The following TRABD variants were observed in gnomAD, a reference collection of about 807,000 sequenced individuals.
TRABD encodes traB domain-containing protein.
In TRABD, 23 loss-of-function variants were observed where a neutral mutation model predicts 39.6. That is an observed-to-expected ratio of 0.58 (90% CI 0.42 to 0.82). The LOEUF is 0.82. Among genes scored for constraint, TRABD ranks in the 40% least tolerant of loss-of-function variants. The probability of loss-of-function intolerance (pLI) is 0.00; values close to 1 mark genes in which losing one functional copy is unlikely to be tolerated. For synonymous variants in TRABD, 243 were observed against 232.1 expected (o/e 1.05, Z -0.43); for missense variants, 487 against 544.9 (o/e 0.89, Z 1.06).
chr22:50,190,389 C>T (rs983746954), intron 1 of TRABD, among the ~76,000 whole-genome samples: 5 of 152,194 alleles, frequency 3.3e-5, no homozygotes, highest in Non-Finnish European at 4.4e-5. Flanking sequence ...GCTGCTGCAC[C>T]GAGACCCTGC....
chr22:50,197,680 C>T, intron 7 of TRABD, 92 bp downstream of exon 7: 3 of 1,574,892 alleles, frequency 1.9e-6, no homozygotes, highest in African/African-American at 1.3e-5. Flanking sequence ...AGCCAATCCT[C>T]ACTCAAGGCC....
chr22:50,194,251 A>G, intron 3 of TRABD, 89 bp from the exon 4 acceptor site: 2 of 1,492,128 alleles, frequency 1.3e-6, no homozygotes, highest in Non-Finnish European at 1.8e-6. Context: ...CTCAGAACCC[A>G]GGAGGGTTCT....
rs1438852834 is a variant in TRABD, at chr22:50,198,616, AC to A, written c.*103del. The A allele has an allele frequency of 6.2e-6, 8 of 1,289,238 alleles. No individual in the cohort carries two copies. The highest frequency in any genetic ancestry group is 7.1e-6 in the Non-Finnish European group (7 of 980,120). 79.9% of individuals were successfully genotyped at this position (1,289,238 alleles called of 1,614,324 possible). A position where few individuals can be genotyped will look rare whatever the true frequency, so the allele number is the denominator to read the frequency against. Reference sequence around the variant, plus strand: ...TCCTAGCCCGCCCGAGGCCCCTGCCACCCCCCATGGGGGTCTGGGCCCGGCC... The same window carrying A: ...TCCTAGCCCGCCCGAGGCCCCTGCCACCCCCATGGGGGTCTGGGCCCGGCC... On this transcript the variant is annotated 3_prime_UTR_variant, in exon 10 of 10. Transcript: ENST00000380909. This position sits in a 1 kb window ranked among gnomAD's most constrained non-coding sequence, Gnocchi z 7.9.
At position 50,198,072 on chromosome 22, in the gene TRABD, C is replaced by A. The variant is rs1450536364; in HGVS notation, c.845-3C>A. On this transcript the variant is annotated splice_region_variant and splice_polypyrimidine_tract_variant and intron_variant, in intron 8 of 9. Coordinates refer to ENST00000380909, the MANE Select transcript of TRABD (RefSeq NM_001320485.2). The surrounding 1 kb of genome is among the most constrained non-coding windows in gnomAD (Gnocchi z 7.9). ...GGTACTGACCCCTTGTCCTTCCCCACAGCCGAGCCCAGGAAGTGCGTCCCC... is the reference window on the plus strand; with the variant it reads ...GGTACTGACCCCTTGTCCTTCCCCAAAGCCGAGCCCAGGAAGTGCGTCCCC... 6.2e-7 allele frequency: 1 copy of A among 1,612,536 alleles called. No individual in the cohort carries two copies. The highest frequency in any genetic ancestry group is 8.5e-7 in the Non-Finnish European group (1 of 1,179,612).
intron 5 of TRABD, among the ~76,000 whole-genome samples, chr22:50,196,367 C>A (rs1243074089): frequency 6.6e-6 from 1 of 152,240 alleles, no homozygotes; most frequent in African/African-American, 2.4e-5. Context: ...GCTCATGGCT[C>A]AGGCCCAGAC....
chr22:50,196,998 C>G (rs955014867), intron 5 of TRABD: 2 of 524,842 alleles, frequency 3.8e-6, no homozygotes, highest in Non-Finnish European at 6.8e-6. Context: ...GCACCCGGCC[C>G]GTGAAGGTCT....
In TRABD at chr22:50,195,061, G is replaced by A. The variant is rs73435224; in HGVS notation, c.420+21G>A. 1.3e-3 allele frequency: 2,056 copies of A among 1,545,376 alleles called. 32 individuals are homozygous for A. In the African/African-American group the frequency reaches 0.025, roughly 19 times the overall value. Reference sequence around the variant, plus strand: ...GGCAGGTGCGCAGCCGCGGGCAAGGGTCAGGGTCAGGGTCGGGGTCAAAGC... The same window carrying A: ...GGCAGGTGCGCAGCCGCGGGCAAGGATCAGGGTCAGGGTCGGGGTCAAAGC... On this transcript the variant is annotated intron_variant, in intron 5 of 9. Coordinates refer to ENST00000380909, the MANE Select transcript of TRABD (RefSeq NM_001320485.2).
Position 50,198,691 on chromosome 22 carries a change from A to C in TRABD, c.*172A>C. The stretch of plus-strand genomic sequence containing the variant: ...ACCCCTCCCCCAGCCCACCCAAATA[A>C]AGGATTATTTAACTGTCTGAGCTCA... On this transcript the variant is annotated 3_prime_UTR_variant, in exon 10 of 10. Transcript: ENST00000380909. The surrounding 1 kb of genome is among the most constrained non-coding windows in gnomAD (Gnocchi z 7.9). 4 of 618,892 alleles carry C rather than the reference A, an allele frequency of 6.5e-6. No individual in the cohort carries two copies. The highest frequency in any genetic ancestry group is 1.1e-5 in the Non-Finnish European group (4 of 376,806). 38.3% of individuals were successfully genotyped at this position (618,892 alleles called of 1,614,324 possible).
chr22:50,197,182 TC>T (rs1267058489), intron 5 of TRABD, 58 bp from the exon 6 acceptor site: 3 of 1,520,182 alleles, frequency 2.0e-6, no homozygotes, highest in African/African-American at 1.4e-5. Flanking sequence ...GTTCTGCCAT[TC>T]CCCCAGCGCA....
At chr22:50,196,495 G>A (rs994265779) in intron 5 of TRABD, among the ~76,000 whole-genome samples, 2 of 152,182 alleles carry the variant, frequency 1.3e-5, no homozygotes, top group African/African-American at 2.4e-5. Context: ...GGTGCCAGCC[G>A]GCCGGTGAGA....
In TRABD at chr22:50,198,674, C is replaced by T. The variant is rs565739450; in HGVS notation, c.*155C>T. On this transcript the variant is annotated 3_prime_UTR_variant, in exon 10 of 10. Transcript: ENST00000380909. The surrounding 1 kb of genome is among the most constrained non-coding windows in gnomAD (Gnocchi z 7.9). ...GCCCTCCTGGGCCAGTCACCCCTCC[C>T]CCAGCCCACCCAAATAAAGGATTAT... 28 of 668,856 alleles carry T rather than the reference C, an allele frequency of 4.2e-5. No homozygotes were observed. The highest frequency in any genetic ancestry group is 3.8e-4 in the African/African-American group (20 of 53,236). 41.4% of individuals were successfully genotyped at this position (668,856 alleles called of 1,614,324 possible).
Position 50,197,421 on chromosome 22 carries a change from G to T in TRABD, c.532-28G>T. ...ACAGGGGTGGTCCGGGGTTCCCACTGCTCCCCAACACCCAGCCTCTGCTCC... is the reference window on the plus strand; with the variant it reads ...ACAGGGGTGGTCCGGGGTTCCCACTTCTCCCCAACACCCAGCCTCTGCTCC... On this transcript the variant is annotated intron_variant, in intron 6 of 9. Coordinates refer to ENST00000380909, the MANE Select transcript of TRABD (RefSeq NM_001320485.2). The T allele has an allele frequency of 1.9e-6, 3 of 1,612,812 alleles. No individual in the cohort carries two copies. In the South Asian group the frequency reaches 3.3e-5, roughly 18 times the overall value.
intron 7 of TRABD, 105 bp from the exon 8 acceptor site, chr22:50,197,718 T>C: frequency 6.4e-7 from 1 of 1,572,108 alleles, no homozygotes; most frequent in South Asian, 1.2e-5. Context: ...CCGCCACAAA[T>C]CCCAAACAAA....
At chr22:50,190,814 T>C (rs2063883193) in intron 1 of TRABD, among the ~76,000 whole-genome samples, 3 of 152,184 alleles carry the variant, frequency 2.0e-5, no homozygotes, top group Admixed American at 2.0e-4. Flanking sequence ...CCGGTCGGGT[T>C]GCATCGTGGA....
chr22:50,199,292 G>C lies in TRABD; in HGVS notation c.*773G>C. Reference sequence around the variant, plus strand: ...GCCCCCGGAGCGAAGGGGTGCCTGGGGCATCTTGGCCCTCTCTGGGCAGAC... The same window carrying C: ...GCCCCCGGAGCGAAGGGGTGCCTGGCGCATCTTGGCCCTCTCTGGGCAGAC... On this transcript the variant is annotated 3_prime_UTR_variant, in exon 10 of 10. Transcript: ENST00000380909. 1.7e-6 allele frequency: 1 copy of C among 588,806 alleles called. No homozygotes were observed. The highest frequency in any genetic ancestry group is 2.0e-5 in the South Asian group (1 of 51,192). 36.5% of individuals were successfully genotyped at this position (588,806 alleles called of 1,614,324 possible). A position where few individuals can be genotyped will look rare whatever the true frequency, so the allele number is the denominator to read the frequency against.
At position 50,194,520 on chromosome 22, in the gene TRABD, C is replaced by A; in HGVS notation, c.279+14C>A. 6.4e-7 allele frequency: 1 copy of A among 1,555,302 alleles called. No individual in the cohort carries two copies. Among genetic ancestry groups the A allele is most frequent in the Non-Finnish European group, 8.7e-7 (1 of 1,149,512 alleles). Reference sequence around the variant, plus strand: ...GACGTTGTGAAGGTGAGCGCCGCCACCCGCCACATCCCGGACACGGGTTGG... The same window carrying A: ...GACGTTGTGAAGGTGAGCGCCGCCAACCGCCACATCCCGGACACGGGTTGG... On this transcript the variant is annotated intron_variant, in intron 4 of 9. Coordinates refer to ENST00000380909, the MANE Select transcript of TRABD (RefSeq NM_001320485.2).
At chr22:50,188,552 C>T (rs1249144983) in intron 1 of TRABD, among the ~76,000 whole-genome samples, 2 of 152,328 alleles carry the variant, frequency 1.3e-5, no homozygotes, top group African/African-American at 2.4e-5. Flanking sequence ...CGTCCTTACC[C>T]GGGGGAGCAA....
At chr22:50,189,692 CTGG>C in intron 1 of TRABD, among the ~76,000 whole-genome samples, 1 of 151,284 alleles carries the variant, frequency 6.6e-6, no homozygotes, top group Non-Finnish European at 1.5e-5. Flanking sequence ...GCAGCGTGCG[CTGG>C]CCGGACCCCA....
At chr22:50,190,566 C>T (rs984338418) in intron 1 of TRABD, 2 of 152,364 alleles carry the variant, frequency 1.3e-5, no homozygotes, top group Admixed American at 1.3e-4. Flanking sequence ...GCCTCCCGCC[C>T]GGCTGCACAG....
Sources: allele counts gnomAD v4.1 joint callset (sites outside exome capture counted in the v4.1 genomes callset), GRCh38; gene constraint gnomAD v4.1.1; non-coding constraint Gnocchi (gnomAD v3.1); transcripts MANE v1.5; gene names NCBI Gene and HGNC (gene_info 2026-07-23, HGNC 2026-07-21).